DOCK10: variants seen among roughly 807,000 people sequenced by gnomAD.
DOCK10 encodes dedicator of cytokinesis 10, also known as dedicator of cytokinesis protein 10.
Under a neutral mutation model 280.1 loss-of-function variants are expected in DOCK10, and 145 were observed. That is an observed-to-expected ratio of 0.52 (90% confidence interval 0.45 to 0.59). The LOEUF (loss-of-function observed/expected upper bound fraction) is 0.59, where lower values mean the gene tolerates loss of function less well. DOCK10 is among the 20% of genes least tolerant of loss of function. The pLI is 0.00. For missense variants in DOCK10, 2,368 were observed against 2,651.7 expected (o/e 0.89, Z 2.35); for synonymous variants, 915 against 942.2 (o/e 0.97, Z 0.53).
At chr2:224,924,120 C>A (rs1280817261) in intron 2 of DOCK10, among the ~76,000 whole-genome samples, 1 of 152,086 alleles carries the variant, frequency 6.6e-6, no homozygotes, top group African/African-American at 2.4e-5. Context: ...TTTCATGATT[C>A]CTTTGTATCC....
intron 2 of DOCK10, among the ~76,000 whole-genome samples, chr2:224,920,904 T>C (rs1386352677): frequency 6.6e-6 from 1 of 150,772 alleles, no homozygotes; most frequent in Admixed American, 6.6e-5. Context: ...AACCACTCCC[T>C]GTTCCATCTA....
intron 31 of DOCK10, among the ~76,000 whole-genome samples, chr2:224,813,503 A>G (rs1190292007): frequency 3.3e-5 from 5 of 152,036 alleles, no homozygotes; most frequent in South Asian, 4.1e-4. Flanking sequence ...ATTTTTGTCA[A>G]TTTTACCTCA....
intron 3 of DOCK10, among the ~76,000 whole-genome samples, chr2:224,916,300 G>C (rs1288736318): frequency 6.6e-6 from 1 of 152,266 alleles, no homozygotes; most frequent in South Asian, 2.1e-4. Context: ...CAGCACTTCA[G>C]GAAGCTGAGG....
At chr2:224,841,251 T>C (rs1170030595) in intron 23 of DOCK10, among the ~76,000 whole-genome samples, 1 of 152,222 alleles carries the variant, frequency 6.6e-6, no homozygotes, top group Non-Finnish European at 1.5e-5. Context: ...TTAAGTGTTA[T>C]AACCTTAAAA....
intron 1 of DOCK10, among the ~76,000 whole-genome samples, chr2:224,991,246 G>T (rs376351046): frequency 3.0e-3 from 459 of 152,284 alleles, no homozygotes; most frequent in African/African-American, 0.01. Flanking sequence ...CCTAGAAAGT[G>T]ATTCAGAGCA....
intron 1 of DOCK10, among the ~76,000 whole-genome samples, chr2:224,995,904 A>G (rs929540930): frequency 6.6e-6 from 1 of 152,214 alleles, no homozygotes; most frequent in East Asian, 1.9e-4. Context: ...AATTTTTGCA[A>G]AAGCCCAGGT....
At chr2:224,935,477 T>C (rs1455508856) in intron 1 of DOCK10, among the ~76,000 whole-genome samples, 1 of 152,192 alleles carries the variant, frequency 6.6e-6, no homozygotes, top group Non-Finnish European at 1.5e-5. Flanking sequence ...TTTTCTATGT[T>C]ACGATGCAAC....
chr2:224,961,412 C>CTCTTTCTTTT lies in DOCK10; in HGVS notation c.124-29745_124-29744insAAAAGAAAGA, dbSNP rs1553623604. 7.4e-4 allele frequency among the ~76,000 whole-genome samples: 88 copies of CTCTTTCTTTT among 119,458 alleles called. 1 individual carries two copies. Among genetic ancestry groups the CTCTTTCTTTT allele is most frequent in the African/African-American group, 2.9e-3 (87 of 29,794 alleles). The allele number at this position is 119,458 out of a possible 152,430, so 78.4% of individuals were successfully genotyped here. A position where few individuals can be genotyped will look rare whatever the true frequency, so the allele number is the denominator to read the frequency against. ...ATAGCAGCATTTTCTTTCTTTCTTT[C>CTCTTTCTTTT]TCTTTCTTTCTTTCTTTCTTTCTTT... On this transcript the variant is annotated intron_variant, in intron 1 of 55. Transcript: ENST00000258390.
chr2:224,852,372 C>T lies in DOCK10; in HGVS notation c.2142+5G>A. The T allele has an allele frequency of 1.9e-6, 3 of 1,567,584 alleles. No individual in the cohort carries two copies. Among genetic ancestry groups the T allele is most frequent in the Admixed American group, 1.9e-5 (1 of 53,302 alleles). On this transcript the variant is annotated splice_donor_5th_base_variant and intron_variant, in intron 18 of 55. Transcript: ENST00000258390. The stretch of plus-strand genomic sequence containing the variant: ...ATGCTGGGTCCCTTTGCTGACTTGG[C>T]TCACCTTCAGGGGCTTGGCACTTTC...
rs1479722927 is a variant in DOCK10, at chr2:224,979,564, C to T, written c.124-47896G>A. On this transcript the variant is annotated intron_variant, in intron 1 of 55. Coordinates refer to ENST00000258390, the MANE Select transcript of DOCK10 (RefSeq NM_014689.3). Reference sequence around the variant, plus strand: ...CCTTGGCTCATCTGGACACACTGGCCTCCTTTCTGTTCTTCTAACACTCCA... The same window carrying T: ...CCTTGGCTCATCTGGACACACTGGCTTCCTTTCTGTTCTTCTAACACTCCA... Among the ~76,000 whole-genome samples, 7 of 152,252 alleles carry T rather than the reference C, an allele frequency of 4.6e-5. No individual in the cohort carries two copies. The East Asian group carries it at 1.3e-3, about 29-fold the overall frequency.
chr2:224,892,342 T>C (rs1317443269), intron 4 of DOCK10, among the ~76,000 whole-genome samples: 1 of 127,052 alleles, frequency 7.9e-6, no homozygotes. Flanking sequence ...GAGGTTGCGG[T>C]GAGCTGAGAT....
intron 7 of DOCK10, 124 bp from the exon 8 acceptor site, chr2:224,876,345 T>A (rs1281095604): frequency 3.4e-6 from 3 of 870,928 alleles, no homozygotes; most frequent in Non-Finnish European, 3.4e-6. Flanking sequence ...ATAAAGAAAA[T>A]TTTCCAGAAC....
At chr2:224,949,205 C>G (rs1308859946) in intron 1 of DOCK10, among the ~76,000 whole-genome samples, 2 of 152,216 alleles carry the variant, frequency 1.3e-5, no homozygotes, top group African/African-American at 4.8e-5. Context: ...GCCTGTTTCT[C>G]AACCATTCTA....
chr2:224,886,197 G>A lies in DOCK10; in HGVS notation c.490-12C>T. On this transcript the variant is annotated splice_polypyrimidine_tract_variant and intron_variant, in intron 5 of 55. Transcript: ENST00000258390. ...TGGGAAGTGGTATCCTGTAGGAAAG[G>A]CATAGTAGCATGACAGCCATCTTTT... 1.9e-6 allele frequency: 3 copies of A among 1,613,586 alleles called. No homozygotes were observed. The highest frequency in any genetic ancestry group is 2.5e-6 in the Non-Finnish European group (3 of 1,179,682).
At chr2:225,007,143 G>C (rs1472115261) in intron 1 of DOCK10, among the ~76,000 whole-genome samples, 5 of 152,184 alleles carry the variant, frequency 3.3e-5, no homozygotes, top group Admixed American at 3.3e-4. Flanking sequence ...AAGGTGGTTA[G>C]CAGGTACTAG....
chr2:224,845,430 A>G, intron 20 of DOCK10, 89 bp downstream of exon 20: 1 of 1,543,634 alleles, frequency 6.5e-7, no homozygotes, highest in Non-Finnish European at 8.8e-7. Context: ...ATGAAAAATA[A>G]TTCAATAAAT....
intron 16 of DOCK10, 123 bp downstream of exon 16, chr2:224,854,839 GT>G (rs1574942928): frequency 3.2e-6 from 2 of 624,312 alleles, no homozygotes; most frequent in East Asian, 5.9e-5. Context: ...CCAAAACCTT[GT>G]AACCAACCAA....
At chr2:224,937,539 T>C (rs988036208) in intron 1 of DOCK10, among the ~76,000 whole-genome samples, 1 of 152,142 alleles carries the variant, frequency 6.6e-6, no homozygotes, top group East Asian at 1.9e-4. Context: ...CTCTGAAAAT[T>C]AATGATTCTA....
At chr2:225,026,243 A>C (rs1249376133) in intron 1 of DOCK10, among the ~76,000 whole-genome samples, 1 of 152,210 alleles carries the variant, frequency 6.6e-6, no homozygotes, top group African/African-American at 2.4e-5. Context: ...GCTGAAACCA[A>C]GTGAGATGTA....
Sources: allele counts gnomAD v4.1 joint callset (sites outside exome capture counted in the v4.1 genomes callset), GRCh38; gene constraint gnomAD v4.1.1; transcripts MANE v1.5; gene names NCBI Gene and HGNC (gene_info 2026-07-23, HGNC 2026-07-21).